Variants in SENP8 observed in about 807,000 individuals in gnomAD.
The protein encoded by SENP8 is sentrin-specific protease 8.
In SENP8, 10 loss-of-function variants were observed where a neutral mutation model predicts 14.4. That is an observed-to-expected ratio of 0.69 (90% CI 0.43 to 1.18). The LOEUF is 1.18. Among genes scored for constraint, SENP8 ranks in the 50% most tolerant of loss-of-function variants. The pLI is 0.00. For synonymous variants in SENP8, 94 were observed against 95.5 expected (o/e 0.98, Z 0.09); for missense variants, 202 against 249.4 (o/e 0.81, Z 1.28).
intron 1 of SENP8, among the ~76,000 whole-genome samples, chr15:72,124,800 A>G (rs747310162): frequency 2.0e-5 from 3 of 152,158 alleles, no homozygotes; most frequent in Non-Finnish European, 4.4e-5. Context: ...AAATTAAAGC[A>G]CAATATCAAA....
rs2081369651 is a variant in SENP8, at chr15:72,140,314, AT to A, written c.*55del. ...AAGGCTCCTCTTTCTGCCCTTCCCC[AT>A]TTGTTGGATGGCTGCAATCTCAGTG... On this transcript the variant is annotated 3_prime_UTR_variant, in exon 2 of 2. Coordinates refer to ENST00000340912, the MANE Select transcript of SENP8 (RefSeq NM_145204.4). The A allele has an allele frequency of 7.6e-7, 1 of 1,311,876 alleles. No individual in the cohort carries two copies. 81.3% of individuals were successfully genotyped at this position (1,311,876 alleles called of 1,614,324 possible).
At chr15:72,121,958 A>T (rs2081172174) in intron 1 of SENP8, among the ~76,000 whole-genome samples, 1 of 152,206 alleles carries the variant, frequency 6.6e-6, no homozygotes, top group African/African-American at 2.4e-5. Context: ...AAGTTCACAG[A>T]TCTTGCCAAG....
intron 1 of SENP8, among the ~76,000 whole-genome samples, chr15:72,131,074 A>G (rs976393736): frequency 6.6e-6 from 1 of 152,174 alleles, no homozygotes; most frequent in African/African-American, 2.4e-5. Context: ...ATGGTGGTGC[A>G]TGCCTATAGT....
chr15:72,115,658 A>C (rs368609949), upstream of SENP8, among the ~76,000 whole-genome samples: 4 of 152,196 alleles, frequency 2.6e-5, no homozygotes, highest in Admixed American at 6.5e-5. Context: ...TTAAAATGCA[A>C]ATCTGATCAT....
chr15:72,140,282 A>T lies in SENP8; in HGVS notation c.*20A>T. 1 of 1,564,666 alleles carries T rather than the reference A, an allele frequency of 6.4e-7. No homozygotes were observed. The highest frequency in any genetic ancestry group is 1.1e-5 in the South Asian group (1 of 89,026). ...AAGTAGCTATTGAAGTATATTTGCG[A>T]CTTTTGAAGGCTCCTCTTTCTGCCC... On this transcript the variant is annotated 3_prime_UTR_variant, in exon 2 of 2. Transcript: ENST00000340912.
At chr15:72,139,203 A>C (rs2081356447) in intron 1 of SENP8, 1 of 159,998 alleles carries the variant, frequency 6.3e-6, no homozygotes, top group Admixed American at 6.1e-5. Context: ...TAACATAGCC[A>C]GTTAACACAT....
chr15:72,118,017 T>G, upstream of SENP8: 1 of 397,342 alleles, frequency 2.5e-6, no homozygotes, highest in Non-Finnish European at 4.4e-6. Flanking sequence ...CAGTCCGGGC[T>G]GTCCTGTACT....
intron 1 of SENP8, among the ~76,000 whole-genome samples, chr15:72,131,314 A>G (rs2081271726): frequency 6.6e-6 from 1 of 152,214 alleles, no homozygotes; most frequent in Admixed American, 6.5e-5. Context: ...GCTGAAATTC[A>G]TAGGTTAAGT....
intron 1 of SENP8, among the ~76,000 whole-genome samples, chr15:72,131,201 C>T (rs2081270813): frequency 6.6e-6 from 1 of 152,186 alleles, no homozygotes; most frequent in Admixed American, 6.5e-5. Context: ...AAGACCTCAT[C>T]TCTTAAAATA....
In SENP8 at chr15:72,141,831, TACAG is replaced by T. The variant is rs1311902644; in HGVS notation, c.*1571_*1574del. 4 of 152,026 alleles carry T rather than the reference TACAG, an allele frequency of 2.6e-5. No individual in the cohort carries two copies. Among genetic ancestry groups the T allele is most frequent in the Non-Finnish European group, 5.9e-5 (4 of 68,004 alleles). The allele number at this position is 152,026 out of a possible 1,614,324, so 9.4% of individuals were successfully genotyped here. On this transcript the variant is annotated 3_prime_UTR_variant, in exon 2 of 2. Coordinates refer to ENST00000340912, the MANE Select transcript of SENP8 (RefSeq NM_145204.4). ...CTGGCAGTCATCCATAGAGGTGAAA[TACAG>T]AGGGAGGGACAGCAAGAGAAGTGAC...
chr15:72,136,966 A>G (rs929602540), intron 1 of SENP8, among the ~76,000 whole-genome samples: 4 of 152,202 alleles, frequency 2.6e-5, no homozygotes, highest in Non-Finnish European at 5.9e-5. Context: ...GGTCACAGGC[A>G]TATTAATTTC....
At position 72,140,387 on chromosome 15, in the gene SENP8, T is replaced by C; in HGVS notation, c.*125T>C. 1.5e-6 allele frequency: 1 copy of C among 681,578 alleles called. No individual in the cohort carries two copies. Among genetic ancestry groups the C allele is most frequent in the Non-Finnish European group, 2.5e-6 (1 of 393,716 alleles). The allele number at this position is 681,578 out of a possible 1,614,324, so 42.2% of individuals were successfully genotyped here. ...GAGGAAAGCTTAATACTCTTTTTCCTGAAAGAATATCATCCTCTGCATTAT... is the reference window on the plus strand; with the variant it reads ...GAGGAAAGCTTAATACTCTTTTTCCCGAAAGAATATCATCCTCTGCATTAT... On this transcript the variant is annotated 3_prime_UTR_variant, in exon 2 of 2. Coordinates refer to ENST00000340912, the MANE Select transcript of SENP8 (RefSeq NM_145204.4).
chr15:72,122,207 C>T (rs1225849513), intron 1 of SENP8, among the ~76,000 whole-genome samples: 4 of 150,206 alleles, frequency 2.7e-5, no homozygotes, highest in Non-Finnish European at 5.9e-5. Context: ...CTGATCAATA[C>T]CGGACTATAA....
At chr15:72,132,598 T>G (rs958600408) in intron 1 of SENP8, among the ~76,000 whole-genome samples, 1 of 142,768 alleles carries the variant, frequency 7.0e-6, no homozygotes, top group Non-Finnish European at 1.6e-5. Context: ...ATTGATAATG[T>G]TATTATCATC....
At chr15:72,133,032 A>G (rs1186628961) in intron 1 of SENP8, among the ~76,000 whole-genome samples, 1 of 152,046 alleles carries the variant, frequency 6.6e-6, no homozygotes, top group Non-Finnish European at 1.5e-5. Context: ...TTAGCCAGGC[A>G]TGGTGCCAGG....
At chr15:72,126,194 T>C (rs918127620) in intron 1 of SENP8, among the ~76,000 whole-genome samples, 20 of 152,134 alleles carry the variant, frequency 1.3e-4, no homozygotes, top group African/African-American at 4.8e-4. Context: ...TCCAGTATAC[T>C]AGCACTAGCC....
At chr15:72,122,116 G>A (rs571761294) in intron 1 of SENP8, among the ~76,000 whole-genome samples, 12 of 151,924 alleles carry the variant, frequency 7.9e-5, no homozygotes, top group African/African-American at 2.2e-4. Context: ...AAACTTCTTG[G>A]ATGGGAAAGA....
At chr15:72,114,645 C>A (rs772831087), upstream of SENP8, 18 of 152,140 alleles carry the variant, frequency 1.2e-4, no homozygotes, top group Non-Finnish European at 2.2e-4. Flanking sequence ...AGTTTTGTTT[C>A]CTAAATGTTT....
At chr15:72,139,094 T>G (rs1423675199) in intron 1 of SENP8, among the ~76,000 whole-genome samples, 1 of 151,732 alleles carries the variant, frequency 6.6e-6, no homozygotes, top group Non-Finnish European at 1.5e-5. Context: ...ACATAGCCAA[T>G]TAACACGTTT....
Sources: gnomAD v4.1 joint callset for allele counts (sites outside exome capture counted in the v4.1 genomes callset) on GRCh38, gnomAD v4.1.1 for gene constraint, MANE v1.5 for transcripts, NCBI Gene and HGNC (gene_info 2026-07-23, HGNC 2026-07-21) for gene names.